Variants in CSMD1 observed in about 807,000 individuals in gnomAD.
The protein encoded by CSMD1 is CUB and sushi domain-containing protein 1.
Under a neutral mutation model 417.5 loss-of-function variants are expected in CSMD1, and 213 were observed. That is an observed-to-expected ratio of 0.51 (90% CI 0.46 to 0.57). CSMD1 has a LOEUF of 0.57. Among genes scored for constraint, CSMD1 ranks in the 20% least tolerant of loss-of-function variants. The pLI, the probability that CSMD1 is intolerant of heterozygous loss-of-function variation, is 0.00. For synonymous variants in CSMD1, 2,862 were observed against 1,736.8 expected, an observed-to-expected ratio of 1.65 and a Z score of -16.11; for missense variants, 6,923 against 4,529.7, an observed-to-expected ratio of 1.53 and a Z score of -15.17.
At chr8:3,296,152 G>A (rs919041924) in intron 25 of CSMD1, among the ~76,000 whole-genome samples, 3 of 151,984 alleles carry the variant, frequency 2.0e-5, no homozygotes, top group Admixed American at 6.6e-5. Context: ...TAATTCTTAG[G>A]GGAGGAAGGG....
intron 5 of CSMD1, among the ~76,000 whole-genome samples, chr8:3,861,615 T>C (rs942638040): frequency 2.0e-5 from 3 of 152,194 alleles, no homozygotes; most frequent in Admixed American, 1.3e-4. Flanking sequence ...GACCTCACAT[T>C]CATCTAGGTG....
At chr8:4,250,843 A>C (rs1460312605) in intron 3 of CSMD1, among the ~76,000 whole-genome samples, 2 of 152,194 alleles carry the variant, frequency 1.3e-5, no homozygotes, top group Non-Finnish European at 2.9e-5. Context: ...AGAATATGTC[A>C]ACACCTTGTC....
intron 37 of CSMD1, among the ~76,000 whole-genome samples, chr8:3,167,904 T>C (rs914121827): frequency 1.3e-5 from 2 of 152,190 alleles, no homozygotes; most frequent in Admixed American, 1.3e-4. Context: ...AAAATGATTT[T>C]AGAACACATG....
At position 3,337,991 on chromosome 8, in the gene CSMD1, T is replaced by A. The variant is rs115757232; in HGVS notation, c.3631+5303A>T. Among the ~76,000 whole-genome samples the A allele has an allele frequency of 3.5e-3, 538 of 152,288 alleles. 4 individuals carry two copies. Among genetic ancestry groups the A allele is most frequent in the African/African-American group, 0.012 (509 of 41,572 alleles). On this transcript the variant is annotated intron_variant, in intron 23 of 69. Coordinates refer to ENST00000635120, the MANE Select transcript of CSMD1 (RefSeq NM_033225.6). ...TCACCACGTCTGAACAGTAGACACT[T>A]CTCTAGCTTCCTACTTTGGCAGATG...
intron 3 of CSMD1, among the ~76,000 whole-genome samples, chr8:4,214,561 G>A (rs909805662): frequency 1.3e-5 from 2 of 152,168 alleles, no homozygotes; most frequent in Non-Finnish European, 2.9e-5. Context: ...GCCTCCCAAA[G>A]TGCTGGAATT....
intron 1 of CSMD1, among the ~76,000 whole-genome samples, chr8:4,925,437 C>T (rs193159540): frequency 5.5e-4 from 83 of 151,908 alleles, no homozygotes; most frequent in African/African-American, 1.9e-3. Flanking sequence ...ACAGAACTTA[C>T]TGTTAATCAT....
chr8:4,293,070 G>A (rs1267396536), intron 3 of CSMD1, among the ~76,000 whole-genome samples: 3 of 152,200 alleles, frequency 2.0e-5, no homozygotes, highest in African/African-American at 4.8e-5. Context: ...TGCGTCTGGA[G>A]TAGAACCATG....
At chr8:4,048,846 G>C (rs1798280575) in intron 3 of CSMD1, among the ~76,000 whole-genome samples, 1 of 152,200 alleles carries the variant, frequency 6.6e-6, no homozygotes, top group Admixed American at 6.5e-5. Context: ...TTAGAAGCCT[G>C]TGTTCAATAC....
chr8:3,596,409 C>A (rs1486778332), intron 8 of CSMD1, among the ~76,000 whole-genome samples: 1 of 152,164 alleles, frequency 6.6e-6, no homozygotes, highest in Non-Finnish European at 1.5e-5. Flanking sequence ...CACGATAAGT[C>A]AACAATGGAG....
At chr8:3,993,525 A>G (rs1814920744) in intron 5 of CSMD1, among the ~76,000 whole-genome samples, 2 of 152,184 alleles carry the variant, frequency 1.3e-5, no homozygotes, top group African/African-American at 4.8e-5. Flanking sequence ...AATTAGATTG[A>G]CTTAATAGTA....
At chr8:4,468,548 G>A (rs143755670) in intron 2 of CSMD1, among the ~76,000 whole-genome samples, 1 of 152,004 alleles carries the variant, frequency 6.6e-6, no homozygotes, top group African/African-American at 2.4e-5. Flanking sequence ...ACACACTCTT[G>A]TCCCCAGCTA....
chr8:4,621,671 T>C (rs1269838527), intron 2 of CSMD1, among the ~76,000 whole-genome samples: 2 of 151,992 alleles, frequency 1.3e-5, no homozygotes, highest in East Asian at 1.9e-4. Context: ...GTTCTGCTCA[T>C]TTTTTTAATA....
At chr8:3,500,186 A>C (rs959151284) in intron 10 of CSMD1, among the ~76,000 whole-genome samples, 2 of 151,902 alleles carry the variant, frequency 1.3e-5, no homozygotes, top group Non-Finnish European at 2.9e-5. Context: ...GGTCTTCTTT[A>C]CTCTGTTGCT....
chr8:3,809,206 T>C (rs1395194216), intron 5 of CSMD1, among the ~76,000 whole-genome samples: 1 of 152,106 alleles, frequency 6.6e-6, no homozygotes, highest in Admixed American at 6.5e-5. Flanking sequence ...TTCTCACCCA[T>C]CAGGTCTCCA....
intron 3 of CSMD1, among the ~76,000 whole-genome samples, chr8:4,296,618 T>TC (rs1563408369): frequency 9.7e-4 from 13 of 13,408 alleles, no homozygotes; most frequent in Admixed American, 5.1e-3. Flanking sequence ...TATAATAGTT[T>TC]GTTATTTAGT....
chr8:4,087,557 T>G (rs1247824137), intron 3 of CSMD1, among the ~76,000 whole-genome samples: 1 of 152,166 alleles, frequency 6.6e-6, no homozygotes, highest in Admixed American at 6.5e-5. Flanking sequence ...GGCTATAATT[T>G]CTGTCCTTAT....
intron 22 of CSMD1, among the ~76,000 whole-genome samples, chr8:3,344,519 C>A (rs1585029555): frequency 6.6e-6 from 1 of 152,252 alleles, no homozygotes; most frequent in East Asian, 1.9e-4. Flanking sequence ...AACAACAGAG[C>A]ACTAGGTGGG....
At chr8:3,964,566 T>A (rs777447554) in intron 5 of CSMD1, among the ~76,000 whole-genome samples, 4 of 152,180 alleles carry the variant, frequency 2.6e-5, no homozygotes, top group African/African-American at 9.7e-5. Flanking sequence ...ACTGGAGAAG[T>A]CTTGCAGGTT....
chr8:4,752,458 C>T (rs543222493), intron 1 of CSMD1, among the ~76,000 whole-genome samples: 3 of 152,186 alleles, frequency 2.0e-5, no homozygotes, highest in South Asian at 2.1e-4. Flanking sequence ...GGTACTACCT[C>T]GGGTGATGAA....
Sources: allele counts gnomAD v4.1 joint callset (sites outside exome capture counted in the v4.1 genomes callset), GRCh38; gene constraint gnomAD v4.1.1; transcripts MANE v1.5; gene names NCBI Gene and HGNC (gene_info 2026-07-23, HGNC 2026-07-21).